The following PVT1 variants were observed in gnomAD, a reference collection of about 807,000 sequenced individuals.
The protein encoded by PVT1 is CXCR4/PVT1 fusion.
At chr8:128,024,178 A>G (rs1331070889) in intron 4 of PVT1, among the ~76,000 whole-genome samples, 3 of 152,222 alleles carry the variant, frequency 2.0e-5, no homozygotes, top group Non-Finnish European at 2.9e-5. Flanking sequence ...AAGGAATTGC[A>G]CCTGTGAATG....
chr8:128,015,729 C>T (rs1044452232), intron 4 of PVT1, among the ~76,000 whole-genome samples: 9 of 143,034 alleles, frequency 6.3e-5, no homozygotes, highest in Admixed American at 5.8e-4. Flanking sequence ...GCCAAGATCA[C>T]GCCACTGCAC....
In PVT1 at chr8:127,933,928, T is replaced by C. The variant is rs544891111; in HGVS notation, n.782+42930T>C. Among the ~76,000 whole-genome samples the C allele has an allele frequency of 2.0e-5, 3 of 152,336 alleles. No homozygotes were observed. The South Asian group carries it at 6.2e-4, about 32-fold the overall frequency. On this transcript the variant is annotated intron_variant and non_coding_transcript_variant, in intron 3 of 10. Transcript: ENST00000651587. ...TCTAAAGTGAGACAGTCAAATGAGA[T>C]GGGCATTTGAAGCCTTCAGCAGGGT...
chr8:128,041,499 ATG>A (rs972331091), intron 4 of PVT1, among the ~76,000 whole-genome samples: 6 of 36,334 alleles, frequency 1.7e-4, no homozygotes, highest in Admixed American at 1.0e-3. Flanking sequence ...TGTGTTTGGT[ATG>A]TGTGTGTGTG....
intron 2 of PVT1, among the ~76,000 whole-genome samples, chr8:127,817,451 C>A (rs1814674953): frequency 8.4e-6 from 1 of 118,752 alleles, no homozygotes; most frequent in East Asian, 2.3e-4. Context: ...TCAATTTAAC[C>A]CTTAGGGAAA....
intron 3 of PVT1, among the ~76,000 whole-genome samples, chr8:127,942,728 G>C (rs1038165172): frequency 6.6e-6 from 1 of 152,144 alleles, no homozygotes; most frequent in Non-Finnish European, 1.5e-5. Context: ...CTAAGTATTG[G>C]AGCCTCCAGC....
At chr8:127,806,317 T>C (rs981348361) in intron 2 of PVT1, among the ~76,000 whole-genome samples, 2 of 152,110 alleles carry the variant, frequency 1.3e-5, no homozygotes, top group East Asian at 1.9e-4. Context: ...AAAAATTAGC[T>C]GGGTGTGGTG....
chr8:127,955,526 T>C (rs1323838293), intron 3 of PVT1, among the ~76,000 whole-genome samples: 1 of 152,144 alleles, frequency 6.6e-6, no homozygotes, highest in Admixed American at 6.6e-5. Flanking sequence ...GTCAAGATAC[T>C]AAGTTTCCAA....
intron 4 of PVT1, among the ~76,000 whole-genome samples, chr8:128,068,690 C>T (rs183497306): frequency 2.0e-5 from 3 of 152,240 alleles, no homozygotes; most frequent in Middle Eastern, 3.4e-3. Flanking sequence ...GAAACGGTTT[C>T]ACCATGTTAG....
At chr8:127,955,602 T>G (rs1816559066) in intron 3 of PVT1, among the ~76,000 whole-genome samples, 1 of 136,664 alleles carries the variant, frequency 7.3e-6, no homozygotes, top group Non-Finnish European at 1.6e-5. Context: ...TCCCCTCCCC[T>G]TCCCGAGACA....
At chr8:127,996,322 T>A (rs1817103350) in intron 4 of PVT1, among the ~76,000 whole-genome samples, 1 of 151,806 alleles carries the variant, frequency 6.6e-6, no homozygotes. Flanking sequence ...TGAGTAATAA[T>A]GACTCTGCTG....
chr8:128,038,558 G>A (rs1331922148), intron 4 of PVT1, among the ~76,000 whole-genome samples: 1 of 152,160 alleles, frequency 6.6e-6, no homozygotes, highest in African/African-American at 2.4e-5. Context: ...ACAAGCCTCT[G>A]TAAATAATCA....
At chr8:128,044,023 T>A (rs1261994807) in intron 4 of PVT1, among the ~76,000 whole-genome samples, 2 of 145,114 alleles carry the variant, frequency 1.4e-5, no homozygotes, top group Admixed American at 6.9e-5. Flanking sequence ...TTATTTTTTT[T>A]TTTTTTTGTA....
intron 4 of PVT1, among the ~76,000 whole-genome samples, chr8:128,053,492 A>G (rs1371966020): frequency 6.6e-6 from 1 of 151,326 alleles, no homozygotes; most frequent in Non-Finnish European, 1.5e-5. Context: ...AGGTATTATT[A>G]TCAGCTTTAG....
intron 2 of PVT1, among the ~76,000 whole-genome samples, chr8:127,882,704 G>A (rs1342910408): frequency 6.6e-6 from 1 of 152,026 alleles, no homozygotes; most frequent in African/African-American, 2.4e-5. Context: ...GTCTGGTCTC[G>A]AACTCATGAC....
At chr8:128,099,348 A>G (rs552005814) in intron 6 of PVT1, 4 of 152,336 alleles carry the variant, frequency 2.6e-5, no homozygotes, top group Non-Finnish European at 5.9e-5. Context: ...GGCCCAGCCG[A>G]CAAGTTGCAT....
chr8:127,926,294 C>T (rs1816128678), intron 3 of PVT1, among the ~76,000 whole-genome samples: 1 of 152,186 alleles, frequency 6.6e-6, no homozygotes, highest in African/African-American at 2.4e-5. Context: ...CACAGTCCCT[C>T]CGTTGTGACT....
intron 2 of PVT1, among the ~76,000 whole-genome samples, chr8:127,813,185 TATATACAAATATATATA>T (rs1304259064): frequency 1.2e-5 from 1 of 82,960 alleles, no homozygotes; most frequent in Non-Finnish European, 2.5e-5. Context: ...ATATATATAA[TATATACAAATATATATA>T]ATATACAAAT....
At chr8:127,947,634 C>T (rs1369041248) in intron 3 of PVT1, 2 of 450,116 alleles carry the variant, frequency 4.4e-6, no homozygotes, top group Non-Finnish European at 8.9e-6. Context: ...GGCCCTGTTT[C>T]TTAGCTGCTT....
intron 3 of PVT1, among the ~76,000 whole-genome samples, chr8:127,970,334 G>C (rs1816751805): frequency 1.0e-5 from 1 of 99,940 alleles, no homozygotes; most frequent in Non-Finnish European, 1.8e-5. Flanking sequence ...GTCTTACTCT[G>C]TCACCCAGGC....
Sources: allele counts gnomAD v4.1 joint callset (sites outside exome capture counted in the v4.1 genomes callset), GRCh38; gene constraint gnomAD v4.1.1; transcripts MANE v1.5; gene names NCBI Gene and HGNC (gene_info 2026-07-23, HGNC 2026-07-21).